PCDH15: variants seen among roughly 807,000 people sequenced by gnomAD.
The protein encoded by PCDH15 is protocadherin related 15, also known as protocadherin-15.
Under a neutral mutation model 178.5 loss-of-function variants are expected in PCDH15, and 129 were observed. That is an observed-to-expected ratio of 0.72 (90% CI 0.63 to 0.84). The LOEUF is 0.84. Ranked by LOEUF, PCDH15 falls within the 40% of genes least tolerant of loss-of-function variation. PCDH15 has a pLI of 0.00. For synonymous variants in PCDH15, 800 were observed against 732.0 expected (o/e 1.09, Z -1.50); for missense variants, 2,230 against 2,099.9 (o/e 1.06, Z -1.21).
intron 1 of PCDH15, among the ~76,000 whole-genome samples, chr10:54,701,519 A>G (rs780031307): frequency 4.6e-5 from 7 of 152,110 alleles, no homozygotes; most frequent in Non-Finnish European, 1.0e-4. Flanking sequence ...CATGCTGAAT[A>G]AAGAAGAAAG....
intron 9 of PCDH15, among the ~76,000 whole-genome samples, chr10:54,216,254 G>A (rs558604869): frequency 6.6e-6 from 1 of 151,826 alleles, no homozygotes; most frequent in South Asian, 2.1e-4. Context: ...TTAGGAGTTC[G>A]AGACCAGCCT....
intron 23 of PCDH15, among the ~76,000 whole-genome samples, chr10:53,948,181 A>G (rs2086730435): frequency 6.6e-6 from 1 of 152,070 alleles, no homozygotes; most frequent in Non-Finnish European, 1.5e-5. Context: ...CTACTGCCCT[A>G]CCTTAATTAT....
At chr10:55,343,080 G>A (rs1037335392) in intron 2 of PCDH15, among the ~76,000 whole-genome samples, 13 of 152,170 alleles carry the variant, frequency 8.5e-5, no homozygotes, top group Non-Finnish European at 1.8e-4. Context: ...AAAAGGACCT[G>A]ACAAAGTATC....
rs151144223 is a variant in PCDH15, at chr10:54,438,249, T to A, written c.158-59307A>T. Among the ~76,000 whole-genome samples, 870 of 147,716 alleles carry A rather than the reference T, an allele frequency of 5.9e-3. 6 individuals carry two copies. Among genetic ancestry groups the A allele is most frequent in the African/African-American group, 0.018 (734 of 40,100 alleles). ...AAAACAAGAATCATAGCAGGAAGAA[T>A]TAAAAGAAAAGAGAAAAGCTTTTTT... is the stretch of plus-strand genomic sequence containing the variant. On this transcript the variant is annotated intron_variant, in intron 3 of 37. Coordinates refer to ENST00000644397, the MANE Select transcript of PCDH15 (RefSeq NM_001384140.1).
intron 9 of PCDH15, among the ~76,000 whole-genome samples, chr10:54,226,994 G>A (rs2053526916): frequency 1.3e-5 from 2 of 152,194 alleles, no homozygotes; most frequent in South Asian, 2.1e-4. Context: ...GCAGAGTGTA[G>A]CCCCCTCCTG....
intron 1 of PCDH15, among the ~76,000 whole-genome samples, chr10:55,318,073 A>G (rs1396761992): frequency 6.6e-6 from 1 of 152,224 alleles, no homozygotes; most frequent in Admixed American, 6.5e-5. Context: ...GCGTAAAACA[A>G]CAATCAGACA....
At chr10:55,508,022 C>A (rs1215708776) in intron 2 of PCDH15, among the ~76,000 whole-genome samples, 2 of 151,594 alleles carry the variant, frequency 1.3e-5, no homozygotes, top group East Asian at 3.9e-4. Flanking sequence ...TCAAACTGGA[C>A]AAATGTTACC....
intron 2 of PCDH15, among the ~76,000 whole-genome samples, chr10:55,627,070 A>G (rs1383210702): frequency 1.3e-5 from 2 of 152,174 alleles, no homozygotes; most frequent in Non-Finnish European, 2.9e-5. Context: ...TAACGATGAG[A>G]GAGATAAAGG....
chr10:54,938,977 T>C (rs1411079197), intron 2 of PCDH15, among the ~76,000 whole-genome samples: 2 of 152,168 alleles, frequency 1.3e-5, no homozygotes, highest in African/African-American at 4.8e-5. Context: ...AAAATGAAAG[T>C]AAGCCCTGGT....
intron 15 of PCDH15, among the ~76,000 whole-genome samples, chr10:54,101,117 T>C (rs2094804090): frequency 6.6e-6 from 1 of 152,156 alleles, no homozygotes; most frequent in Non-Finnish European, 1.5e-5. Context: ...GCTATTCTTG[T>C]GATAGCAAAT....
At chr10:53,898,819 T>G (rs1446112271) in intron 26 of PCDH15, among the ~76,000 whole-genome samples, 2 of 152,302 alleles carry the variant, frequency 1.3e-5, no homozygotes, top group Middle Eastern at 3.4e-3. Flanking sequence ...CACTTTGGAA[T>G]AGGCTTCACT....
intron 1 of PCDH15, among the ~76,000 whole-genome samples, chr10:54,679,910 G>A (rs2094867896): frequency 6.6e-6 from 1 of 152,074 alleles, no homozygotes; most frequent in African/African-American, 2.4e-5. Flanking sequence ...TTTAATTCTT[G>A]AGAGTGTCAC....
At chr10:54,100,743 C>G (rs1439034298) in intron 15 of PCDH15, among the ~76,000 whole-genome samples, 1 of 152,136 alleles carries the variant, frequency 6.6e-6, no homozygotes, top group Non-Finnish European at 1.5e-5. Context: ...ACTCTCACTT[C>G]TGGAATACTC....
intron 8 of PCDH15, among the ~76,000 whole-genome samples, chr10:54,295,995 A>G (rs1243470296): frequency 2.0e-5 from 3 of 150,466 alleles, no homozygotes; most frequent in African/African-American, 7.4e-5. Flanking sequence ...AATACAAAAA[A>G]TTAGCCGGGC....
intron 2 of PCDH15, among the ~76,000 whole-genome samples, chr10:55,396,130 T>C (rs921097776): frequency 6.6e-6 from 1 of 152,210 alleles, no homozygotes; most frequent in Non-Finnish European, 1.5e-5. Flanking sequence ...ATAATTGATT[T>C]ATTGCTTTCT....
intron 2 of PCDH15, among the ~76,000 whole-genome samples, chr10:55,511,283 TAA>T (rs1840880889): frequency 6.6e-6 from 1 of 152,022 alleles, no homozygotes; most frequent in African/African-American, 2.4e-5. Context: ...TAACAGATAC[TAA>T]GTTTCTTTGT....
intron 3 of PCDH15, among the ~76,000 whole-genome samples, chr10:54,812,074 T>C (rs1458960862): frequency 6.6e-6 from 1 of 152,072 alleles, no homozygotes; most frequent in Non-Finnish European, 1.5e-5. Flanking sequence ...TTAAGCTAAG[T>C]AATAAAGTAA....
At chr10:53,849,248 C>G (rs1254524235) in intron 28 of PCDH15, among the ~76,000 whole-genome samples, 1 of 151,928 alleles carries the variant, frequency 6.6e-6, no homozygotes, top group African/African-American at 2.4e-5. Context: ...GCTGAGAAGG[C>G]ATGGAGAAAG....
At chr10:54,261,192 A>C (rs1355635573) in intron 8 of PCDH15, among the ~76,000 whole-genome samples, 1 of 152,138 alleles carries the variant, frequency 6.6e-6, no homozygotes, top group Non-Finnish European at 1.5e-5. Context: ...GAAAATGTAA[A>C]ATCAGTGAGA....
Sources: allele counts gnomAD v4.1 joint callset (sites outside exome capture counted in the v4.1 genomes callset), GRCh38; gene constraint gnomAD v4.1.1; transcripts MANE v1.5; gene names NCBI Gene and HGNC (gene_info 2026-07-23, HGNC 2026-07-21).